ARMC3: variants seen among roughly 807,000 people sequenced by gnomAD.
ARMC3 encodes the protein armadillo repeat-containing protein 3.
A neutral mutation model predicts 90.3 loss-of-function variants in ARMC3; 74 were observed. That is an observed-to-expected ratio of 0.82 (90% CI 0.68 to 0.99). The LOEUF is 0.99. ARMC3 is among the 50% of genes least tolerant of loss of function. The pLI, the probability that ARMC3 is intolerant of heterozygous loss-of-function variation, is 0.00. For missense variants in ARMC3, 958 were observed against 1,042.8 expected, an observed-to-expected ratio of 0.92 and a Z score of 1.12; for synonymous variants, 334 against 361.8, an observed-to-expected ratio of 0.92 and a Z score of 0.87.
At chr10:22,934,915 C>T (rs765478071) in intron 2 of ARMC3, among the ~76,000 whole-genome samples, 11 of 152,128 alleles carry the variant, frequency 7.2e-5, no homozygotes, top group Non-Finnish European at 1.3e-4. Context: ...GAGGCATGGA[C>T]GACCAGCTGG....
intron 8 of ARMC3, among the ~76,000 whole-genome samples, chr10:22,969,564 C>T (rs1835590849): frequency 6.6e-6 from 1 of 152,114 alleles, no homozygotes; most frequent in Admixed American, 6.5e-5. Context: ...ATAGAGGGGC[C>T]TCATGAGTTA....
intron 16 of ARMC3, among the ~76,000 whole-genome samples, chr10:23,015,309 C>T (rs908202022): frequency 3.3e-5 from 5 of 152,166 alleles, no homozygotes; most frequent in Non-Finnish European, 7.4e-5. Context: ...TCATAGGAGA[C>T]GTGATTAATT....
At chr10:22,969,148 C>A (rs902163891) in intron 8 of ARMC3, among the ~76,000 whole-genome samples, 4 of 152,132 alleles carry the variant, frequency 2.6e-5, no homozygotes, top group Non-Finnish European at 2.9e-5. Context: ...TTTCAAGTTT[C>A]AGCTGGAGTC....
At chr10:23,021,306 T>C (rs769526514) in intron 16 of ARMC3, among the ~76,000 whole-genome samples, 1 of 152,186 alleles carries the variant, frequency 6.6e-6, no homozygotes, top group Non-Finnish European at 1.5e-5. Flanking sequence ...GTACAATGAT[T>C]TATTTTCCTT....
chr10:22,980,418 A>G (rs1836136216), intron 8 of ARMC3, among the ~76,000 whole-genome samples: 1 of 152,126 alleles, frequency 6.6e-6, no homozygotes, highest in African/African-American at 2.4e-5. Context: ...AGTCCCTGGT[A>G]CATCTTTATT....
At position 23,006,867 on chromosome 10, in the gene ARMC3, C is replaced by G. The variant is rs1433794067; in HGVS notation, c.1732-17C>G. On this transcript the variant is annotated splice_polypyrimidine_tract_variant and intron_variant, in intron 13 of 18. Coordinates refer to ENST00000298032, the MANE Select transcript of ARMC3 (RefSeq NM_173081.5). ...CCCCTGCAGATACTACTTTTTGGTCCTTAAATTATCTCACAGATAAATCCC... is the reference window on the plus strand; with the variant it reads ...CCCCTGCAGATACTACTTTTTGGTCGTTAAATTATCTCACAGATAAATCCC... 1.9e-5 allele frequency: 31 copies of G among 1,612,290 alleles called. No homozygotes were observed. In the African/African-American group the frequency reaches 2.5e-4, roughly 13 times the overall value.
chr10:22,975,818 A>G (rs1032166058), intron 8 of ARMC3, among the ~76,000 whole-genome samples: 1 of 151,812 alleles, frequency 6.6e-6, no homozygotes, highest in Non-Finnish European at 1.5e-5. Flanking sequence ...TATACTTTGG[A>G]TTCTTGTTTT....
At chr10:23,033,044 C>T (rs1388956866) in intron 18 of ARMC3, 21 bp downstream of exon 18, 2 of 1,607,388 alleles carry the variant, frequency 1.2e-6, no homozygotes, top group Non-Finnish European at 1.7e-6. Context: ...TATTTTGCCT[C>T]ATTTGCCATT....
At chr10:22,992,710 A>C (rs905197502) in intron 10 of ARMC3, among the ~76,000 whole-genome samples, 1 of 152,132 alleles carries the variant, frequency 6.6e-6, no homozygotes, top group Non-Finnish European at 1.5e-5. Context: ...TTCTGGACTC[A>C]GAAATTGACC....
Position 22,968,332 on chromosome 10 carries a change from A to C in ARMC3, c.759A>C (p.Ala253=). ...TKELNDLHIE[A]LAVIANCLED... ...AATTGAATGACCTTCATATAGAAGC[A>C]CTTGCAGTGATAGCCAATTGCCTTG... The change falls in exon 8 of 19, where the codon GCA becomes GCC. Residue 253 remains alanine (A), a synonymous_variant. Transcript: ENST00000298032. 1 of 1,614,038 alleles carries C rather than the reference A, an allele frequency of 6.2e-7. No individual in the cohort carries two copies. Among genetic ancestry groups the C allele is most frequent in the East Asian group, 2.2e-5 (1 of 44,864 alleles).
At chr10:23,010,985 CTTT>C (rs1410363874) in intron 16 of ARMC3, among the ~76,000 whole-genome samples, 80 of 138,856 alleles carry the variant, frequency 5.8e-4, no homozygotes, top group Non-Finnish European at 8.5e-4. Context: ...CTCTCCTTCC[CTTT>C]TCTCCTCTCT....
chr10:23,023,126 C>T (rs189840800), intron 16 of ARMC3, among the ~76,000 whole-genome samples: 154 of 152,236 alleles, frequency 1.0e-3, no homozygotes, highest in Admixed American at 2.4e-3. Flanking sequence ...CAAGCCCCTG[C>T]CTAGGGAAGC....
At chr10:22,956,187 G>C (rs1181913994) in intron 4 of ARMC3, among the ~76,000 whole-genome samples, 2 of 152,190 alleles carry the variant, frequency 1.3e-5, no homozygotes, top group African/African-American at 4.8e-5. Context: ...CAAGCTGAGA[G>C]AGCAATCATT....
chr10:22,982,507 A>T (rs1836240091), intron 10 of ARMC3, among the ~76,000 whole-genome samples: 1 of 152,250 alleles, frequency 6.6e-6, no homozygotes, highest in African/African-American at 2.4e-5. Flanking sequence ...AAAATTATCA[A>T]AATAATCTGC....
At chr10:22,994,236 G>A (rs1836849040) in intron 10 of ARMC3, among the ~76,000 whole-genome samples, 1 of 152,196 alleles carries the variant, frequency 6.6e-6, no homozygotes, top group South Asian at 2.1e-4. Flanking sequence ...TCAGGAAATG[G>A]GAAGAGCGCA....
intron 4 of ARMC3, 130 bp downstream of exon 4, chr10:22,956,062 C>A: frequency 2.4e-6 from 2 of 825,534 alleles, no homozygotes; most frequent in Non-Finnish European, 3.5e-6. Flanking sequence ...AACATTTTAT[C>A]AGTATAATGC....
chr10:22,992,705 G>A (rs1987026), intron 10 of ARMC3, among the ~76,000 whole-genome samples: 32,898 of 151,976 alleles, frequency 0.22, 4,014 homozygotes, highest in African/African-American at 0.33. Context: ...CCTTGTTCTG[G>A]ACTCAGAAAT....
intron 4 of ARMC3, among the ~76,000 whole-genome samples, chr10:22,956,949 A>G (rs1219208076): frequency 6.6e-6 from 1 of 151,986 alleles, no homozygotes; most frequent in Non-Finnish European, 1.5e-5. Context: ...TGAACAGGAT[A>G]TATTTTCCTT....
At chr10:23,015,517 G>A (rs1465081526) in intron 16 of ARMC3, among the ~76,000 whole-genome samples, 1 of 152,102 alleles carries the variant, frequency 6.6e-6, no homozygotes, top group African/African-American at 2.4e-5. Context: ...TTTCATGAAC[G>A]TTCACTTGAC....
Sources: allele counts gnomAD v4.1 joint callset (sites outside exome capture counted in the v4.1 genomes callset), GRCh38; gene constraint gnomAD v4.1.1; transcripts MANE v1.5; gene names NCBI Gene and HGNC (gene_info 2026-07-23, HGNC 2026-07-21).